Variants in PCLO observed in about 807,000 individuals in gnomAD.
PCLO encodes the protein protein piccolo.
In PCLO, 82 loss-of-function variants were observed where a neutral mutation model predicts 427.5. The observed-to-expected ratio is 0.19, with a 90% CI of 0.16 to 0.23. PCLO has a LOEUF of 0.23. Among genes scored for constraint, PCLO ranks in the 10% least tolerant of loss-of-function variants. PCLO has a pLI of 1.00. For missense variants in PCLO, 6,239 were observed against 6,115.9 expected, an observed-to-expected ratio of 1.02 and a Z score of -0.67; for synonymous variants, 2,357 against 2,155.4, an observed-to-expected ratio of 1.09 and a Z score of -2.59.
rs756131059 is a variant in PCLO at position 82,915,157 on chromosome 7, C to T, written c.12829G>A (p.Asp4277Asn). 1 of 1,595,938 alleles carries T rather than the reference C, an allele frequency of 6.3e-7. No homozygotes were observed. The highest frequency in any genetic ancestry group is 8.5e-7 in the Non-Finnish European group (1 of 1,170,336). The change falls in exon 7 of 25, where the codon GAT becomes AAT. Residue 4277 changes from aspartate to asparagine, a missense_variant. Physicochemically the swap from Asp to Asn is conservative, Grantham distance 23. Coordinates refer to ENST00000333891, the MANE Select transcript of PCLO (RefSeq NM_033026.6). ...LGNTIRSALQ[D>N]EADKPYSSGS... The stretch of plus-strand genomic sequence containing the variant: ...CTACTGTATGGCTTATCCGCTTCAT[C>T]CTGCAGAGCTGAGCGTATGGTATTT...
chr7:82,864,315 T>C (rs1169319182), intron 10 of PCLO, among the ~76,000 whole-genome samples: 1 of 152,134 alleles, frequency 6.6e-6, no homozygotes, highest in East Asian at 1.9e-4. Flanking sequence ...ATTTCTGACA[T>C]GATTACTCCT....
At chr7:82,868,329 T>A (rs1793147044) in intron 10 of PCLO, 1 of 374,654 alleles carries the variant, frequency 2.7e-6, no homozygotes, top group African/African-American at 2.1e-5. Context: ...TACCAAAGAC[T>A]TTTTCATGAC....
intron 9 of PCLO, among the ~76,000 whole-genome samples, chr7:82,899,184 C>T (rs369013718): frequency 6.0e-5 from 9 of 151,196 alleles, no homozygotes; most frequent in African/African-American, 2.2e-4. Context: ...AATACATAAA[C>T]TCAATTAAAA....
chr7:83,029,279 C>A (rs1347849186), intron 3 of PCLO, among the ~76,000 whole-genome samples: 106 of 149,934 alleles, frequency 7.1e-4, no homozygotes, highest in Non-Finnish European at 1.2e-3. Context: ...AAAAAAACAA[C>A]CCCATCAAAA....
intron 6 of PCLO, among the ~76,000 whole-genome samples, chr7:82,943,093 T>C (rs1224083056): frequency 6.6e-6 from 1 of 152,118 alleles, no homozygotes; most frequent in East Asian, 1.9e-4. Flanking sequence ...GTTATGGAAA[T>C]TACTTTCAGA....
intron 19 of PCLO, among the ~76,000 whole-genome samples, chr7:82,823,803 G>A (rs1791858881): frequency 6.6e-6 from 1 of 152,058 alleles, no homozygotes; most frequent in Admixed American, 6.6e-5. Flanking sequence ...ATATTTATTG[G>A]GTAAGACAAT....
chr7:82,774,211 G>A (rs1224689201), intron 22 of PCLO, among the ~76,000 whole-genome samples: 1 of 152,066 alleles, frequency 6.6e-6, no homozygotes, highest in African/African-American at 2.4e-5. Context: ...ATTCTTGCTA[G>A]GACCTTATGT....
At chr7:82,981,228 A>C (rs1796140062) in intron 3 of PCLO, among the ~76,000 whole-genome samples, 1 of 151,834 alleles carries the variant, frequency 6.6e-6, no homozygotes, top group African/African-American at 2.4e-5. Flanking sequence ...ATAATGATAA[A>C]CTCACCTGAC....
chr7:82,832,606 G>T (rs1792122843), intron 16 of PCLO, among the ~76,000 whole-genome samples: 1 of 151,762 alleles, frequency 6.6e-6, no homozygotes. Flanking sequence ...AAAAATTTTT[G>T]AAATTCAATT....
rs893747221 is a variant in PCLO, at chr7:82,755,093, G to T, written c.*3482C>A. 6.6e-6 allele frequency: 1 copy of T among 151,700 alleles called. No homozygotes were observed. Among genetic ancestry groups the T allele is most frequent in the African/African-American group, 2.4e-5 (1 of 41,306 alleles). The allele number at this position is 151,700 out of a possible 1,614,324, so 9.4% of individuals were successfully genotyped here. On this transcript the variant is annotated 3_prime_UTR_variant, in exon 25 of 25. Coordinates refer to ENST00000333891, the MANE Select transcript of PCLO (RefSeq NM_033026.6). Reference sequence around the variant, plus strand: ...TATTTTACTTCACATCACCACCACCGCTAATATCACTACTGCTACCACCAC... The same window carrying T: ...TATTTTACTTCACATCACCACCACCTCTAATATCACTACTGCTACCACCAC...
chr7:82,943,960 C>T (rs1795142246), intron 6 of PCLO, among the ~76,000 whole-genome samples: 1 of 151,442 alleles, frequency 6.6e-6, no homozygotes, highest in South Asian at 2.1e-4. Flanking sequence ...GAGTCCGTGA[C>T]CAGCCTGGCC....
intron 20 of PCLO, among the ~76,000 whole-genome samples, chr7:82,816,205 A>G (rs1791675672): frequency 6.6e-6 from 1 of 152,288 alleles, no homozygotes; most frequent in Non-Finnish European, 1.5e-5. Flanking sequence ...GATGTATGTA[A>G]TACATGTGGA....
At chr7:82,948,991 G>C (rs967323922) in intron 6 of PCLO, among the ~76,000 whole-genome samples, 2 of 152,110 alleles carry the variant, frequency 1.3e-5, no homozygotes, top group Admixed American at 1.3e-4. Flanking sequence ...AGAGGATACT[G>C]ACCAGATAAT....
intron 3 of PCLO, among the ~76,000 whole-genome samples, chr7:83,003,368 C>G (rs1388359052): frequency 2.0e-5 from 3 of 151,578 alleles, no homozygotes; most frequent in Non-Finnish European, 4.4e-5. Flanking sequence ...TAAATGCATA[C>G]TCAACAAATA....
At chr7:82,917,734 G>T (rs2116279024) in intron 6 of PCLO, among the ~76,000 whole-genome samples, 1 of 151,824 alleles carries the variant, frequency 6.6e-6, no homozygotes, top group African/African-American at 2.4e-5. Flanking sequence ...CTTTCCAGTT[G>T]CATAATCTTT....
chr7:82,792,886 G>C (rs1791135364), intron 22 of PCLO, among the ~76,000 whole-genome samples: 3 of 151,710 alleles, frequency 2.0e-5, no homozygotes, highest in African/African-American at 7.3e-5. Context: ...TTACGATCTT[G>C]GTTAAACTAA....
rs371550911 is a variant in PCLO at position 82,822,592 on chromosome 7, A to T, written c.14694T>A (p.Ser4898Arg). The change falls in exon 20 of 25, where the codon AGT becomes AGA. Residue 4898 changes from serine (S) to arginine (R), a missense_variant. Coordinates refer to ENST00000333891, the MANE Select transcript of PCLO (RefSeq NM_033026.6). ...GHLRSHGPSR[S>R]QSKTSVTQTH... ...TCTGAGTGACGCTGGTTTTGCTTTG[A>T]CTGCGAGATGGTCCATGAGAACGGA... 1 of 1,613,732 alleles carries T rather than the reference A, an allele frequency of 6.2e-7. No homozygotes were observed. Among genetic ancestry groups the T allele is most frequent in the African/African-American group, 1.3e-5 (1 of 74,890 alleles).
intron 20 of PCLO, chr7:82,820,572 G>A: frequency 8.2e-7 from 1 of 1,226,330 alleles, no homozygotes; most frequent in Non-Finnish European, 1.0e-6. Context: ...ATGGAAACAC[G>A]AGTGGAAAAT....
Position 82,949,935 on chromosome 7 carries a change from T to C in PCLO, c.10653A>G (p.Lys3551=). 9 of 1,613,734 alleles carry C rather than the reference T, an allele frequency of 5.6e-6. No homozygotes were observed. The highest frequency in any genetic ancestry group is 7.6e-6 in the Non-Finnish European group (9 of 1,179,850). ...AAGTCTTTTCAGGTGCTGAAATGTG[T>C]TTAATTATTTCTACCTTGGCATCCA... The part of the protein sequence containing the change: ...ARVDAKVEII[K]HISAPEKTYK... The change falls in exon 6 of 25, where the codon AAA becomes AAG. Residue 3551 remains lysine, a synonymous_variant. Coordinates refer to ENST00000333891, the MANE Select transcript of PCLO (RefSeq NM_033026.6).
Sources: gnomAD v4.1 joint callset for allele counts (sites outside exome capture counted in the v4.1 genomes callset) on GRCh38, gnomAD v4.1.1 for gene constraint, MANE v1.5 for transcripts, NCBI Gene and HGNC (gene_info 2026-07-23, HGNC 2026-07-21) for gene names.